Variants in GALNTL6 observed in about 807,000 individuals in gnomAD.
GALNTL6 encodes polypeptide N-acetylgalactosaminyltransferase-like 6.
Under a neutral mutation model 73.7 loss-of-function variants are expected in GALNTL6, and 46 were observed. The observed-to-expected ratio is 0.62, with a 90% CI of 0.49 to 0.80. GALNTL6 has a LOEUF of 0.80. GALNTL6 is among the 30% of genes least tolerant of loss of function. The probability of loss-of-function intolerance (pLI) is 0.00; values close to 1 mark genes in which losing one functional copy is unlikely to be tolerated. For synonymous variants in GALNTL6, 259 were observed against 263.7 expected (o/e 0.98, Z 0.17); for missense variants, 604 against 755.0 (o/e 0.80, Z 2.34).
chr4:172,266,078 A>C (rs956567346), intron 3 of GALNTL6: 1 of 152,110 alleles, frequency 6.6e-6, no homozygotes, highest in Admixed American at 6.6e-5. Flanking sequence ...AACTTCTGAG[A>C]GTGGAGCCCA....
chr4:172,243,070 C>G (rs1440825283), intron 3 of GALNTL6, among the ~76,000 whole-genome samples: 3 of 152,168 alleles, frequency 2.0e-5, no homozygotes, highest in Admixed American at 2.0e-4. Context: ...TGATCTACAC[C>G]TGACCCATGT....
At chr4:172,011,574 C>A (rs1270051689) in intron 2 of GALNTL6, among the ~76,000 whole-genome samples, 1 of 151,904 alleles carries the variant, frequency 6.6e-6, no homozygotes, top group African/African-American at 2.4e-5. Context: ...TTTTTTAGGG[C>A]ACTTTTATTT....
intron 5 of GALNTL6, among the ~76,000 whole-genome samples, chr4:172,401,580 T>C (rs937317861): frequency 5.3e-5 from 8 of 152,100 alleles, no homozygotes; most frequent in African/African-American, 1.7e-4. Flanking sequence ...TTATAGTTTC[T>C]CTCTTTTTAA....
chr4:172,734,895 C>T (rs1736366987), intron 5 of GALNTL6, among the ~76,000 whole-genome samples: 1 of 152,220 alleles, frequency 6.6e-6, no homozygotes, highest in Non-Finnish European at 1.5e-5. Flanking sequence ...CAAGCCTTGG[C>T]AGCTTCCGCA....
At chr4:172,336,045 A>G (rs1334345951) in intron 4 of GALNTL6, among the ~76,000 whole-genome samples, 2 of 151,930 alleles carry the variant, frequency 1.3e-5, no homozygotes, top group African/African-American at 4.8e-5. Flanking sequence ...TTACACTGTT[A>G]ATTTGAGACC....
chr4:172,250,851 A>T (rs1175969366), intron 3 of GALNTL6, among the ~76,000 whole-genome samples: 1 of 152,186 alleles, frequency 6.6e-6, no homozygotes, highest in Non-Finnish European at 1.5e-5. Flanking sequence ...AGCAAGTTTT[A>T]TTTTATGAAT....
At chr4:171,932,554 G>C (rs1435733118) in intron 2 of GALNTL6, among the ~76,000 whole-genome samples, 1 of 152,212 alleles carries the variant, frequency 6.6e-6, no homozygotes, top group Admixed American at 6.5e-5. Context: ...CTAGACAGCA[G>C]AGGCTCTGTA....
chr4:173,024,036 C>T (rs777170283), intron 12 of GALNTL6, among the ~76,000 whole-genome samples: 1 of 152,124 alleles, frequency 6.6e-6, no homozygotes, highest in South Asian at 2.1e-4. Context: ...ACACACCAAC[C>T]ACTCAATAAT....
chr4:172,018,950 T>C (rs886351230), intron 2 of GALNTL6, among the ~76,000 whole-genome samples: 3 of 152,110 alleles, frequency 2.0e-5, no homozygotes, highest in African/African-American at 7.2e-5. Flanking sequence ...ATGTTTTGTG[T>C]GACTCCCTAA....
At chr4:172,527,233 T>C (rs1734989793) in intron 5 of GALNTL6, among the ~76,000 whole-genome samples, 1 of 152,166 alleles carries the variant, frequency 6.6e-6, no homozygotes, top group African/African-American at 2.4e-5. Context: ...TAGATTTGAT[T>C]TTGCTGGTGA....
At chr4:172,334,005 G>C (rs1741224127) in intron 4 of GALNTL6, among the ~76,000 whole-genome samples, 1 of 152,120 alleles carries the variant, frequency 6.6e-6, no homozygotes, top group East Asian at 1.9e-4. Context: ...GTAAATATGT[G>C]ACCTTATTTC....
At chr4:172,130,652 A>G (rs926613741) in intron 2 of GALNTL6, among the ~76,000 whole-genome samples, 12 of 152,124 alleles carry the variant, frequency 7.9e-5, no homozygotes, top group Non-Finnish European at 1.3e-4. Context: ...ATATAGGTGT[A>G]AATTGTGCCA....
intron 5 of GALNTL6, among the ~76,000 whole-genome samples, chr4:172,400,752 C>T (rs992230586): frequency 6.6e-6 from 1 of 151,924 alleles, no homozygotes. Flanking sequence ...AGAGGAAAGC[C>T]GACGATGTAA....
chr4:172,795,204 A>C (rs1388946008), intron 5 of GALNTL6, among the ~76,000 whole-genome samples: 1 of 152,192 alleles, frequency 6.6e-6, no homozygotes, highest in African/African-American at 2.4e-5. Flanking sequence ...GAAATACCGA[A>C]AATGAGGATG....
chr4:172,235,929 A>G (rs552711219), intron 3 of GALNTL6, among the ~76,000 whole-genome samples: 1 of 152,278 alleles, frequency 6.6e-6, no homozygotes, highest in African/African-American at 2.4e-5. Context: ...TTTCTGGGTT[A>G]ATTTGCTTAG....
At chr4:172,589,475 C>T (rs1560823974) in intron 5 of GALNTL6, among the ~76,000 whole-genome samples, 1 of 152,136 alleles carries the variant, frequency 6.6e-6, no homozygotes, top group African/African-American at 2.4e-5. Flanking sequence ...CCTTACCACA[C>T]CTGTAAGAAG....
rs147250597 is a variant in GALNTL6 at position 172,140,774 on chromosome 4, A to C, written c.139-88882A>C. Among the ~76,000 whole-genome samples, 161 of 152,192 alleles carry C rather than the reference A, an allele frequency of 1.1e-3. 1 individual carries two copies. The highest frequency in any genetic ancestry group is 3.6e-3 in the African/African-American group (148 of 41,568). On this transcript the variant is annotated intron_variant, in intron 2 of 12. Coordinates refer to ENST00000506823, the MANE Select transcript of GALNTL6 (RefSeq NM_001034845.3). ...AGAAGAAGAAATTGAATCGAGAGCA[A>C]AGACCATAAGAGGTTAAAGCCTGAA...
chr4:172,767,671 T>TTC (rs1204898952), intron 5 of GALNTL6, among the ~76,000 whole-genome samples: 20 of 146,526 alleles, frequency 1.4e-4, no homozygotes, highest in South Asian at 9.0e-4. Context: ...TTTTTTCTTT[T>TTC]TTTTTTTTTT....
At chr4:172,604,830 G>T (rs1281201010) in intron 5 of GALNTL6, among the ~76,000 whole-genome samples, 1 of 152,202 alleles carries the variant, frequency 6.6e-6, no homozygotes, top group Non-Finnish European at 1.5e-5. Flanking sequence ...ATATTTGAAA[G>T]TTGAAATAGC....
Sources: allele counts gnomAD v4.1 joint callset (sites outside exome capture counted in the v4.1 genomes callset), GRCh38; gene constraint gnomAD v4.1.1; transcripts MANE v1.5; gene names NCBI Gene and HGNC (gene_info 2026-07-23, HGNC 2026-07-21).